The following PPFIBP2 variants were observed in gnomAD, a reference collection of about 807,000 sequenced individuals.
The protein encoded by PPFIBP2 is PPFIB scaffold protein 2.
In PPFIBP2, 118 loss-of-function variants were observed where a neutral mutation model predicts 118.3. The ratio of observed to expected loss-of-function variants is 1.00; its 90% CI spans 0.86 to 1.16. The LOEUF (loss-of-function observed/expected upper bound fraction) is 1.16. PPFIBP2 is among the 50% of genes most tolerant of loss of function. The pLI is 0.00. For missense variants in PPFIBP2, 1,195 were observed against 1,073.1 expected, an observed-to-expected ratio of 1.11 and a Z score of -1.59; for synonymous variants, 414 against 397.4, an observed-to-expected ratio of 1.04 and a Z score of -0.50.
At chr11:7,656,896 T>A, downstream of PPFIBP2, 2 of 923,844 alleles carry the variant, frequency 2.2e-6, no homozygotes, top group Non-Finnish European at 1.5e-6. Flanking sequence ...GCAAGCCCAG[T>A]CCGGGCTGGC....
chr11:7,545,949 G>T (rs1478401473), intron 1 of PPFIBP2, among the ~76,000 whole-genome samples: 2 of 152,106 alleles, frequency 1.3e-5, no homozygotes, highest in Non-Finnish European at 2.9e-5. Flanking sequence ...AGGACTGAGC[G>T]ACCCATGATT....
intron 2 of PPFIBP2, among the ~76,000 whole-genome samples, chr11:7,562,448 C>T (rs910422684): frequency 6.6e-6 from 1 of 152,216 alleles, no homozygotes; most frequent in Non-Finnish European, 1.5e-5. Flanking sequence ...TCACAGTGCT[C>T]TTTATAACCT....
At chr11:7,529,495 C>G (rs991759609) in intron 1 of PPFIBP2, among the ~76,000 whole-genome samples, 1 of 152,062 alleles carries the variant, frequency 6.6e-6, no homozygotes, top group Non-Finnish European at 1.5e-5. Context: ...TCTCAGATAC[C>G]AGTACGGCTC....
chr11:7,651,940 C>T (rs540893464), intron 23 of PPFIBP2, 96 bp downstream of exon 23: 23 of 1,195,430 alleles, frequency 1.9e-5, no homozygotes, highest in Non-Finnish European at 2.3e-5. Context: ...GAGCAGCATG[C>T]GCAGCCTGGA....
At chr11:7,540,251 G>T (rs540880128) in intron 1 of PPFIBP2, among the ~76,000 whole-genome samples, 2 of 101,054 alleles carry the variant, frequency 2.0e-5, no homozygotes, top group East Asian at 2.2e-4. Context: ...TGAGGGGTGT[G>T]GGGGGGCGGT....
In PPFIBP2 at chr11:7,607,695, G is replaced by A. The variant is rs977326814; in HGVS notation, c.487-2596G>A. 4.0e-5 allele frequency among the ~76,000 whole-genome samples: 6 copies of A among 151,496 alleles called. No homozygotes were observed. In the East Asian group the frequency reaches 7.8e-4, roughly 20 times the overall value. ...CTCAGTAGTCTGAAGACATTTTCTT[G>A]TGGACCTTGACCTGTGCACTTGTTC... On this transcript the variant is annotated intron_variant, in intron 5 of 23. Coordinates refer to ENST00000299492, the MANE Select transcript of PPFIBP2 (RefSeq NM_003621.5).
rs114019307 is a variant in PPFIBP2, at chr11:7,542,867, A to G, written c.-36-6573A>G. Among the ~76,000 whole-genome samples, 718 of 152,358 alleles carry G rather than the reference A, an allele frequency of 4.7e-3. 11 individuals are homozygous for G. The highest frequency in any genetic ancestry group is 0.016 in the African/African-American group (681 of 41,584). On this transcript the variant is annotated intron_variant, in intron 1 of 23. Coordinates refer to ENST00000299492, the MANE Select transcript of PPFIBP2 (RefSeq NM_003621.5). ...ATTAAATGTTTAGGTTCAGCCTGCAATGTTTACCTGAGTTCTGTCTTGTTT... is the reference window on the plus strand; with the variant it reads ...ATTAAATGTTTAGGTTCAGCCTGCAGTGTTTACCTGAGTTCTGTCTTGTTT...
At chr11:7,558,764 A>G (rs1853953462) in intron 2 of PPFIBP2, among the ~76,000 whole-genome samples, 1 of 152,052 alleles carries the variant, frequency 6.6e-6, no homozygotes, top group South Asian at 2.1e-4. Flanking sequence ...AAAAAAAAAA[A>G]AAGAAAGAAA....
At chr11:7,601,789 G>A (rs779252158) in intron 5 of PPFIBP2, among the ~76,000 whole-genome samples, 11 of 151,722 alleles carry the variant, frequency 7.3e-5, no homozygotes, top group South Asian at 2.1e-4. Flanking sequence ...GTGAAACCCC[G>A]TCTCTACTAA....
Position 7,621,027 on chromosome 11 carries a change from G to C in PPFIBP2, c.711G>C (p.Lys237Asn), listed in dbSNP as rs770118942. ...NQYEWKLKAT[K>N]AEVAQLQEQV... ...ATGAATGGAAGCTAAAGGCCACTAA[G>C]GTAAACGGCACTCCTGATGCTTATG... Residue 237 changes from lysine (K) to asparagine (N), a missense_variant and splice_region_variant, in exon 7 of 24, where the codon AAG (lysine) becomes AAC (asparagine). By Grantham distance (94) the Lys-to-Asn change is moderately conservative. Coordinates refer to ENST00000299492, the MANE Select transcript of PPFIBP2 (RefSeq NM_003621.5). 1.3e-6 allele frequency: 2 copies of C among 1,595,444 alleles called. No individual in the cohort carries two copies. Among genetic ancestry groups the C allele is most frequent in the South Asian group, 1.1e-5 (1 of 90,682 alleles).
In PPFIBP2 at chr11:7,565,643, A is replaced by G. The variant is rs201515298; in HGVS notation, c.155A>G (p.His52Arg). The part of the protein sequence containing the change: ...ASYMNPFPVL[H>R]LIEDLRLALE... ...TACATGAACCCCTTCCCGGTGCTCC[A>G]TCTCATCGAGGACTTGAGGCTGGCC... The change falls in exon 3 of 24, where the codon CAT (histidine) becomes CGT (arginine). Residue 52 changes from histidine to arginine, a missense_variant. His to Arg is a conservative substitution (Grantham distance 29, BLOSUM62 0). Transcript: ENST00000299492. 52 of 1,614,142 alleles carry G rather than the reference A, an allele frequency of 3.2e-5. No homozygotes were observed. The East Asian group carries it at 4.7e-4, about 15-fold the overall frequency.
At chr11:7,607,479 C>T (rs113674542) in intron 5 of PPFIBP2, among the ~76,000 whole-genome samples, 397 of 152,236 alleles carry the variant, frequency 2.6e-3, no homozygotes, top group African/African-American at 8.9e-3. Context: ...ACCTCAGCCT[C>T]CCAAAGTGCT....
intron 2 of PPFIBP2, among the ~76,000 whole-genome samples, chr11:7,563,044 C>A (rs541307414): frequency 2.0e-5 from 3 of 149,324 alleles, no homozygotes; most frequent in African/African-American, 4.9e-5. Flanking sequence ...CATGTACACA[C>A]GCATACTCTG....
intron 1 of PPFIBP2, among the ~76,000 whole-genome samples, chr11:7,520,503 A>T (rs1347921460): frequency 6.6e-6 from 1 of 151,284 alleles, no homozygotes; most frequent in African/African-American, 2.4e-5. Flanking sequence ...ACTTGGCCAT[A>T]AGATTTTTTT....
At chr11:7,568,597 A>C (rs923246612) in intron 3 of PPFIBP2, among the ~76,000 whole-genome samples, 1 of 152,242 alleles carries the variant, frequency 6.6e-6, no homozygotes, top group East Asian at 1.9e-4. Flanking sequence ...TGGCACTTCC[A>C]CCTGCCATAG....
At chr11:7,546,524 G>A (rs1852346674) in intron 1 of PPFIBP2, among the ~76,000 whole-genome samples, 1 of 152,172 alleles carries the variant, frequency 6.6e-6, no homozygotes, top group Admixed American at 6.5e-5. Context: ...TTGACACCCT[G>A]TCATGTTTAC....
At chr11:7,526,597 T>C (rs559698013) in intron 1 of PPFIBP2, among the ~76,000 whole-genome samples, 82 of 151,966 alleles carry the variant, frequency 5.4e-4, no homozygotes, top group South Asian at 2.9e-3. Context: ...AGCGGCCGGG[T>C]GCGGTGGCTC....
intron 3 of PPFIBP2, among the ~76,000 whole-genome samples, chr11:7,570,729 G>C (rs1855567071): frequency 6.6e-6 from 1 of 152,198 alleles, no homozygotes; most frequent in Admixed American, 6.5e-5. Flanking sequence ...AAAGCAGATT[G>C]AACCAGGGTG....
At chr11:7,515,738 G>A (rs1849173224) in intron 1 of PPFIBP2, among the ~76,000 whole-genome samples, 1 of 152,164 alleles carries the variant, frequency 6.6e-6, no homozygotes, top group Non-Finnish European at 1.5e-5. Context: ...GTCTGGACTT[G>A]GTCTGAAGGC....
Sources: gnomAD v4.1 joint callset for allele counts (sites outside exome capture counted in the v4.1 genomes callset) on GRCh38, gnomAD v4.1.1 for gene constraint, MANE v1.5 for transcripts, NCBI Gene and HGNC (gene_info 2026-07-23, HGNC 2026-07-21) for gene names.